The following CBFA2T2 variants were observed in gnomAD, a reference collection of about 807,000 sequenced individuals.
The protein encoded by CBFA2T2 is protein CBFA2T2.
In CBFA2T2, 11 loss-of-function variants were observed where a neutral mutation model predicts 62.2. That is an observed-to-expected ratio of 0.18 (90% CI 0.11 to 0.29). The LOEUF (loss-of-function observed/expected upper bound fraction) is 0.29. CBFA2T2 is among the 10% of genes least tolerant of loss of function. The pLI is 1.00. For missense variants in CBFA2T2, 592 were observed against 774.1 expected, an observed-to-expected ratio of 0.76 and a Z score of 2.79; for synonymous variants, 295 against 287.5, an observed-to-expected ratio of 1.03 and a Z score of -0.27.
intron 1 of CBFA2T2, among the ~76,000 whole-genome samples, chr20:33,550,709 G>A (rs889848911): frequency 1.3e-5 from 2 of 151,876 alleles, no homozygotes; most frequent in Non-Finnish European, 2.9e-5. Context: ...TGCAACCTCC[G>A]CTCCCGGGTT....
chr20:33,563,625 T>TA (rs1402264142), intron 1 of CBFA2T2, among the ~76,000 whole-genome samples: 3 of 152,152 alleles, frequency 2.0e-5, no homozygotes, highest in Non-Finnish European at 4.4e-5. Context: ...GTGTACCCAT[T>TA]ATTTACTAGT....
chr20:33,574,846 T>G (rs1303200547), intron 1 of CBFA2T2, among the ~76,000 whole-genome samples: 1 of 152,168 alleles, frequency 6.6e-6, no homozygotes, highest in Non-Finnish European at 1.5e-5. Flanking sequence ...ATTTTGGTTG[T>G]GTGGTGTGAA....
chr20:33,504,315 G>A (rs1260285902), intron 1 of CBFA2T2, among the ~76,000 whole-genome samples: 5 of 151,680 alleles, frequency 3.3e-5, no homozygotes, highest in South Asian at 2.1e-4. Flanking sequence ...ATTCATATAC[G>A]GTTCTGCATG....
At chr20:33,493,068 GTTTTTT>G (rs1157324208) in intron 1 of CBFA2T2, among the ~76,000 whole-genome samples, 12 of 88,082 alleles carry the variant, frequency 1.4e-4, no homozygotes, top group African/African-American at 4.5e-4. Context: ...TGAAGTTTTG[GTTTTTT>G]TTTTTTTTTT....
chr20:33,613,468 C>T (rs2015598603), intron 3 of CBFA2T2, among the ~76,000 whole-genome samples: 1 of 152,228 alleles, frequency 6.6e-6, no homozygotes, highest in Non-Finnish European at 1.5e-5. Context: ...CTCTCTGCCT[C>T]TCCTGAATGG....
chr20:33,555,696 A>G (rs751628221), intron 1 of CBFA2T2, among the ~76,000 whole-genome samples: 1 of 152,234 alleles, frequency 6.6e-6, no homozygotes, highest in East Asian at 1.9e-4. Context: ...CAGAAAATGT[A>G]ATAATGATAC....
intron 1 of CBFA2T2, among the ~76,000 whole-genome samples, chr20:33,565,278 C>G (rs1451868246): frequency 6.6e-6 from 1 of 152,134 alleles, no homozygotes; most frequent in African/African-American, 2.4e-5. Context: ...GGGGGCATCT[C>G]TTTTGATAGG....
intron 1 of CBFA2T2, among the ~76,000 whole-genome samples, chr20:33,493,068 GTTTTTTTTTTTT>G (rs1157324208): frequency 4.5e-5 from 4 of 88,082 alleles, no homozygotes; most frequent in Non-Finnish European, 2.2e-5. Context: ...TGAAGTTTTG[GTTTTTTTTTTTT>G]TTTTTTTTTT....
intron 1 of CBFA2T2, among the ~76,000 whole-genome samples, chr20:33,515,311 A>G (rs2146857377): frequency 7.3e-6 from 1 of 136,442 alleles, no homozygotes; most frequent in African/African-American, 2.7e-5. Flanking sequence ...AGATCGTGTC[A>G]CTGCACTCCA....
At chr20:33,491,094 CCTT>C (rs1311525826) in intron 1 of CBFA2T2, among the ~76,000 whole-genome samples, 2 of 152,058 alleles carry the variant, frequency 1.3e-5, no homozygotes, top group African/African-American at 4.8e-5. Context: ...TAGTGTTCCT[CCTT>C]GATGTGTGAG....
intron 1 of CBFA2T2, among the ~76,000 whole-genome samples, chr20:33,524,588 A>G (rs1020739901): frequency 3.3e-5 from 5 of 152,110 alleles, no homozygotes; most frequent in African/African-American, 1.2e-4. Flanking sequence ...TTTTGTTGCA[A>G]TTTATTTTTA....
intron 1 of CBFA2T2, among the ~76,000 whole-genome samples, chr20:33,520,705 GTT>G (rs2011704201): frequency 6.6e-6 from 1 of 152,050 alleles, no homozygotes; most frequent in South Asian, 2.1e-4. Flanking sequence ...GGGAGGCAGA[GTT>G]TGCAGTGAGC....
chr20:33,576,765 A>G (rs949625414), intron 1 of CBFA2T2, among the ~76,000 whole-genome samples: 82 of 152,384 alleles, frequency 5.4e-4, no homozygotes, highest in African/African-American at 1.9e-3. Flanking sequence ...GCAGCTGTAC[A>G]TTTTTGCTAC....
intron 1 of CBFA2T2, among the ~76,000 whole-genome samples, chr20:33,526,118 G>A (rs2011878330): frequency 6.6e-6 from 1 of 151,704 alleles, no homozygotes; most frequent in Non-Finnish European, 1.5e-5. Context: ...TGTTTGACAT[G>A]TTAATGAATC....
At chr20:33,559,193 T>TTTTTTTTTTTTTTTTTC (rs1555835221) in intron 1 of CBFA2T2, among the ~76,000 whole-genome samples, 4 of 143,928 alleles carry the variant, frequency 2.8e-5, no homozygotes, top group African/African-American at 1.1e-4. Flanking sequence ...TTTTTTTTTT[T>TTTTTTTTTTTTTTTTTC]CTGAGATGGA....
chr20:33,518,012 A>G (rs1600920476), intron 1 of CBFA2T2, among the ~76,000 whole-genome samples: 1 of 150,382 alleles, frequency 6.6e-6, no homozygotes, highest in East Asian at 2.0e-4. Flanking sequence ...GCAGTGGTGC[A>G]ATCTCGGCTC....
intron 1 of CBFA2T2, among the ~76,000 whole-genome samples, chr20:33,572,556 G>A (rs2013613809): frequency 6.6e-6 from 1 of 152,214 alleles, no homozygotes; most frequent in African/African-American, 2.4e-5. Context: ...ATTGAGCTGT[G>A]TGCTGAATAA....
At chr20:33,607,578 A>AG (rs1422359417) in intron 2 of CBFA2T2, among the ~76,000 whole-genome samples, 1 of 152,180 alleles carries the variant, frequency 6.6e-6, no homozygotes, top group African/African-American at 2.4e-5. Context: ...ACAGTTCTGG[A>AG]GGCAAGAATG....
chr20:33,503,884 C>G (rs2146849509), intron 1 of CBFA2T2, among the ~76,000 whole-genome samples: 1 of 150,308 alleles, frequency 6.7e-6, no homozygotes, highest in Non-Finnish European at 1.5e-5. Flanking sequence ...GAGAAAAAAA[C>G]TTGCTCTTTT....
Sources: gnomAD v4.1 joint callset for allele counts (sites outside exome capture counted in the v4.1 genomes callset) on GRCh38, gnomAD v4.1.1 for gene constraint, MANE v1.5 for transcripts, NCBI Gene and HGNC (gene_info 2026-07-23, HGNC 2026-07-21) for gene names.